Variants in PLEKHA8 observed in about 807,000 individuals in gnomAD.
PLEKHA8 encodes the protein pleckstrin homology domain-containing family A member 8.
Under a neutral mutation model 68.2 loss-of-function variants are expected in PLEKHA8, and 36 were observed. The ratio of observed to expected loss-of-function variants is 0.53; its 90% confidence interval spans 0.40 to 0.70. The LOEUF is 0.70. Among genes scored for constraint, PLEKHA8 ranks in the 30% least tolerant of loss-of-function variants. PLEKHA8 has a pLI of 0.00. For synonymous variants in PLEKHA8, 211 were observed against 216.1 expected (o/e 0.98, Z 0.20); for missense variants, 505 against 615.4 (o/e 0.82, Z 1.90).
At chr7:30,069,535 T>TA in intron 12 of PLEKHA8, 1 of 152,258 alleles carries the variant, frequency 6.6e-6, no homozygotes, top group East Asian at 1.9e-4. Flanking sequence ...ATAAAAGCTT[T>TA]AGGCATAATC....
At chr7:30,037,262 C>G (rs1254453139) in intron 1 of PLEKHA8, among the ~76,000 whole-genome samples, 1 of 152,154 alleles carries the variant, frequency 6.6e-6, no homozygotes, top group African/African-American at 2.4e-5. Flanking sequence ...CTCAACATTT[C>G]AGATTGTCAG....
chr7:30,056,043 T>C (rs1792827189), intron 9 of PLEKHA8, among the ~76,000 whole-genome samples: 1 of 150,390 alleles, frequency 6.6e-6, no homozygotes, highest in Non-Finnish European at 1.5e-5. Flanking sequence ...CCCAGGTTCA[T>C]GCTGTTCTCC....
At chr7:30,095,639 A>G (rs1479094682), downstream of PLEKHA8, among the ~76,000 whole-genome samples, 2 of 152,226 alleles carry the variant, frequency 1.3e-5, no homozygotes, top group Non-Finnish European at 2.9e-5. Context: ...GTTTTCTTCT[A>G]GGGTTTTTAT....
At chr7:30,074,185 C>A in intron 13 of PLEKHA8, 53 bp downstream of exon 13, 1 of 1,496,842 alleles carries the variant, frequency 6.7e-7, no homozygotes, top group Non-Finnish European at 9.3e-7. Context: ...ATGCCAGTGG[C>A]TAGGGCTAGA....
intron 13 of PLEKHA8, among the ~76,000 whole-genome samples, chr7:30,111,129 C>T (rs143562170): frequency 0.02 from 2,969 of 152,158 alleles, 48 homozygotes; most frequent in East Asian, 0.041. Flanking sequence ...GTCTCAAATT[C>T]CTAACCTCAG....
intron 13 of PLEKHA8, among the ~76,000 whole-genome samples, chr7:30,111,282 A>G (rs1212570542): frequency 6.6e-6 from 1 of 152,120 alleles, no homozygotes; most frequent in East Asian, 1.9e-4. Context: ...AATATTTTCA[A>G]ATATTTGAAA....
intron 12 of PLEKHA8, among the ~76,000 whole-genome samples, chr7:30,072,410 C>T (rs1727226380): frequency 6.6e-6 from 1 of 152,154 alleles, no homozygotes; most frequent in Non-Finnish European, 1.5e-5. Context: ...ATAGGATATT[C>T]TAAAAGTATT....
chr7:30,083,236 T>C lies in PLEKHA8; in HGVS notation c.*4449T>C. ...TAAATTTGTATTCTTATGGATTGTA[T>C]ATAGAATGCTTTCGTTAGAAGTACA... On this transcript the variant is annotated 3_prime_UTR_variant, in exon 14 of 14. Transcript: ENST00000449726. The C allele has an allele frequency of 1.0e-6, 1 of 982,260 alleles. No homozygotes were observed. Among genetic ancestry groups the C allele is most frequent in the Non-Finnish European group, 1.2e-6 (1 of 827,024 alleles). The allele number at this position is 982,260 out of a possible 1,614,324, so 60.8% of individuals were successfully genotyped here.
rs1178121007 is a variant in PLEKHA8 at position 30,120,619 on chromosome 7, A to G, written c.1363-8647A>G. On this transcript the variant is annotated intron_variant, in intron 13 of 13. Coordinates refer to the PLEKHA8 transcript ENST00000396257. Reference sequence around the variant, plus strand: ...CTTCAGGCTAAACTTAATTTAACACAGTGAAGTGGAGAAATTGGAAAAAAC... The same window carrying G: ...CTTCAGGCTAAACTTAATTTAACACGGTGAAGTGGAGAAATTGGAAAAAAC... 8.5e-5 allele frequency among the ~76,000 whole-genome samples: 13 copies of G among 152,362 alleles called. No individual in the cohort carries two copies. The South Asian group carries it at 2.5e-3, about 29-fold the overall frequency.
At chr7:30,099,104 C>A (rs1220606815) in intron 13 of PLEKHA8, among the ~76,000 whole-genome samples, 1 of 152,200 alleles carries the variant, frequency 6.6e-6, no homozygotes, top group African/African-American at 2.4e-5. Context: ...TTATAAAGTA[C>A]TTAAATATCT....
chr7:30,077,838 T>G (rs964254648), intron 13 of PLEKHA8, among the ~76,000 whole-genome samples: 2 of 152,258 alleles, frequency 1.3e-5, no homozygotes, highest in African/African-American at 4.8e-5. Flanking sequence ...TAGGAAATAT[T>G]GGCCCGCAAA....
chr7:30,116,080 A>C (rs1796527858), intron 13 of PLEKHA8: 1 of 150,786 alleles, frequency 6.6e-6, no homozygotes, highest in Non-Finnish European at 1.5e-5. Context: ...ACATGTATAC[A>C]TACGCATACA....
In PLEKHA8 at chr7:30,082,006, A is replaced by G. The variant is rs374406693; in HGVS notation, c.*3219A>G. On this transcript the variant is annotated 3_prime_UTR_variant, in exon 14 of 14. Coordinates refer to ENST00000449726, the MANE Select transcript of PLEKHA8 (RefSeq NM_001197026.2). ...CTTTTGGGAGTGAAACCAAATTGTA[A>G]CTATGAGGAGAAGATGGTCTTCTCA... is the stretch of plus-strand genomic sequence containing the variant. 77 of 935,460 alleles carry G rather than the reference A, an allele frequency of 8.2e-5. No individual in the cohort carries two copies. The African/African-American group carries it at 1.3e-3, about 16-fold the overall frequency. 57.9% of individuals were successfully genotyped at this position (935,460 alleles called of 1,614,324 possible).
chr7:30,064,569 A>T (rs1034079255), intron 12 of PLEKHA8, among the ~76,000 whole-genome samples: 3 of 152,068 alleles, frequency 2.0e-5, no homozygotes, highest in African/African-American at 4.8e-5. Flanking sequence ...AACAAACAAA[A>T]AAACAATGCT....
At position 30,028,603 on chromosome 7, in the gene PLEKHA8, A is replaced by G; in HGVS notation, c.-160A>G. 1 of 448,872 alleles carries G rather than the reference A, an allele frequency of 2.2e-6. No homozygotes were observed. The highest frequency in any genetic ancestry group is 3.6e-6 in the Non-Finnish European group (1 of 276,226). The allele number at this position is 448,872 out of a possible 1,614,324, so 27.8% of individuals were successfully genotyped here. A position where few individuals can be genotyped will look rare whatever the true frequency, so the allele number is the denominator to read the frequency against. On this transcript the variant is annotated 5_prime_UTR_variant, in exon 1 of 14. Coordinates refer to ENST00000449726, the MANE Select transcript of PLEKHA8 (RefSeq NM_001197026.2). ...CCGCAGTGACCCCGCCCCCGGGCCG[A>G]GGATGTGAGGCGGGCCGGGCGTCCC...
At chr7:30,033,303 C>A (rs1489491821) in intron 1 of PLEKHA8, among the ~76,000 whole-genome samples, 1 of 152,196 alleles carries the variant, frequency 6.6e-6, no homozygotes, top group Admixed American at 6.5e-5. Context: ...GTCACTCCTA[C>A]ACCTACACCT....
rs1796836903 is a variant in PLEKHA8, at chr7:30,129,444, C to G, written c.*173C>G. 4.2e-6 allele frequency: 4 copies of G among 962,934 alleles called. No individual in the cohort carries two copies. In the South Asian group the frequency reaches 6.5e-5, roughly 16 times the overall value. 59.6% of individuals were successfully genotyped at this position (962,934 alleles called of 1,614,324 possible). On this transcript the variant is annotated 3_prime_UTR_variant, in exon 14 of 14. Coordinates refer to the PLEKHA8 transcript ENST00000396257. ...ACCTCCAGATCTCATTCATGTGAAA[C>G]AAAGAGAAACTTTATCTTGTTCAAG...
Position 30,081,556 on chromosome 7 carries a change from A to G in PLEKHA8, c.*2769A>G, listed in dbSNP as rs897592851. The G allele has an allele frequency of 1.1e-5, 11 of 984,896 alleles. No individual in the cohort carries two copies. The highest frequency in any genetic ancestry group is 4.7e-5 in the South Asian group (1 of 21,276). The allele number at this position is 984,896 out of a possible 1,614,324, so 61.0% of individuals were successfully genotyped here. ...AAAAGATATTTAAAGCTTTCTCTCC[A>G]TAGCCCTCCAAGACTTCTGGGACAA... On this transcript the variant is annotated 3_prime_UTR_variant, in exon 14 of 14. Coordinates refer to ENST00000449726, the MANE Select transcript of PLEKHA8 (RefSeq NM_001197026.2).
At chr7:30,096,722 T>C (rs1039894407) in intron 13 of PLEKHA8, among the ~76,000 whole-genome samples, 2 of 152,222 alleles carry the variant, frequency 1.3e-5, no homozygotes, top group Non-Finnish European at 2.9e-5. Flanking sequence ...TGTGTGTCTC[T>C]GCATGTGAGA....
Sources: allele counts gnomAD v4.1 joint callset (sites outside exome capture counted in the v4.1 genomes callset), GRCh38; gene constraint gnomAD v4.1.1; transcripts MANE v1.5; gene names NCBI Gene and HGNC (gene_info 2026-07-23, HGNC 2026-07-21).